MYO1D: variants seen among roughly 807,000 people sequenced by gnomAD.
The protein encoded by MYO1D is unconventional myosin-Id.
In MYO1D, 83 loss-of-function variants were observed where a neutral mutation model predicts 122.0. The ratio of observed to expected loss-of-function variants is 0.68; its 90% CI spans 0.57 to 0.82. The LOEUF is 0.82. MYO1D is among the 40% of genes least tolerant of loss of function. The pLI is 0.00. For missense variants in MYO1D, 1,157 were observed against 1,269.5 expected, an observed-to-expected ratio of 0.91 and a Z score of 1.35; for synonymous variants, 464 against 446.9, an observed-to-expected ratio of 1.04 and a Z score of -0.48.
intron 21 of MYO1D, chr17:32,594,303 T>C (rs1567901795): frequency 2.8e-6 from 1 of 359,470 alleles, no homozygotes; most frequent in East Asian, 4.0e-5. Flanking sequence ...TTGCCCATTA[T>C]AACAGTAAAT....
At chr17:32,814,030 C>T (rs529729819) in intron 1 of MYO1D, among the ~76,000 whole-genome samples, 1 of 152,252 alleles carries the variant, frequency 6.6e-6, no homozygotes, top group South Asian at 2.1e-4. Flanking sequence ...AGTGACCTGC[C>T]AGAGTTCAGG....
chr17:32,614,910 A>C (rs321148), intron 20 of MYO1D, among the ~76,000 whole-genome samples: 36,743 of 152,078 alleles, frequency 0.24, 5,103 homozygotes, highest in South Asian at 0.39. Context: ...GGGGCCAGAC[A>C]AGTGAGTGTA....
chr17:32,755,728 C>T (rs897608359), intron 10 of MYO1D, 66 bp from the exon 11 acceptor site: 5 of 1,428,210 alleles, frequency 3.5e-6, no homozygotes, highest in South Asian at 2.6e-5. Context: ...AACCCTGATG[C>T]TCCCATTTGT....
intron 21 of MYO1D, among the ~76,000 whole-genome samples, chr17:32,523,602 G>A (rs1480457096): frequency 6.6e-6 from 1 of 152,026 alleles, no homozygotes; most frequent in Non-Finnish European, 1.5e-5. Flanking sequence ...TTACAATCGA[G>A]TGCCAGTCCT....
intron 20 of MYO1D, among the ~76,000 whole-genome samples, chr17:32,606,802 C>T (rs560308809): frequency 7.2e-4 from 109 of 152,334 alleles, no homozygotes; most frequent in African/African-American, 2.5e-3. Context: ...AGGATTTCCA[C>T]TGTCACTGCA....
intron 1 of MYO1D, among the ~76,000 whole-genome samples, chr17:32,848,717 C>T (rs1051967677): frequency 6.6e-6 from 1 of 152,136 alleles, no homozygotes; most frequent in African/African-American, 2.4e-5. Flanking sequence ...TGATGACTTC[C>T]AGCTTGAATT....
chr17:32,632,321 G>C (rs776332739), intron 20 of MYO1D: 1 of 151,948 alleles, frequency 6.6e-6, no homozygotes, highest in Non-Finnish European at 1.5e-5. Context: ...TATTTGGCTT[G>C]CAAGGCATTT....
intron 16 of MYO1D, among the ~76,000 whole-genome samples, chr17:32,675,939 A>G (rs2088801900): frequency 6.6e-6 from 1 of 152,134 alleles, no homozygotes. Context: ...TATCAGAAAT[A>G]TTTTCCCATG....
intron 1 of MYO1D, among the ~76,000 whole-genome samples, chr17:32,793,465 G>A (rs2090378629): frequency 6.6e-6 from 1 of 152,160 alleles, no homozygotes; most frequent in Non-Finnish European, 1.5e-5. Flanking sequence ...TTAGGAGTGG[G>A]AGGCTTCAAA....
chr17:32,528,754 A>C (rs1910423110), intron 21 of MYO1D, among the ~76,000 whole-genome samples: 1 of 152,188 alleles, frequency 6.6e-6, no homozygotes, highest in African/African-American at 2.4e-5. Flanking sequence ...CTGGAGGCAC[A>C]GATCAGGGTG....
At chr17:32,727,574 G>C (rs2089591744) in intron 14 of MYO1D, 1 of 152,152 alleles carries the variant, frequency 6.6e-6, no homozygotes, top group East Asian at 1.9e-4. Flanking sequence ...AAGCTGTCAA[G>C]GGGAAGGAAT....
At chr17:32,827,658 T>C (rs2090734914) in intron 1 of MYO1D, among the ~76,000 whole-genome samples, 1 of 152,148 alleles carries the variant, frequency 6.6e-6, no homozygotes, top group Admixed American at 6.5e-5. Flanking sequence ...TCCAATCGAT[T>C]CAACTGACAT....
intron 1 of MYO1D, among the ~76,000 whole-genome samples, chr17:32,791,550 C>A (rs2090351251): frequency 6.6e-6 from 1 of 151,818 alleles, no homozygotes; most frequent in African/African-American, 2.4e-5. Context: ...ATGATAGGGG[C>A]CTGATGTCTC....
At chr17:32,844,362 T>G (rs1277465988) in intron 1 of MYO1D, among the ~76,000 whole-genome samples, 1 of 142,858 alleles carries the variant, frequency 7.0e-6, no homozygotes, top group East Asian at 2.0e-4. Context: ...TGTATATATA[T>G]TATATATAGT....
At chr17:32,549,341 C>G (rs2086990932) in intron 21 of MYO1D, among the ~76,000 whole-genome samples, 2 of 139,312 alleles carry the variant, frequency 1.4e-5, no homozygotes, top group African/African-American at 2.5e-5. Flanking sequence ...AGTGATCCAC[C>G]CAGCTCAGTC....
chr17:32,745,067 T>C, intron 13 of MYO1D, 144 bp downstream of exon 13: 1 of 586,332 alleles, frequency 1.7e-6, no homozygotes, highest in South Asian at 2.0e-5. Context: ...TCAAGTTAGT[T>C]ATATGCTATT....
intron 16 of MYO1D, among the ~76,000 whole-genome samples, chr17:32,693,626 G>A (rs2089133663): frequency 6.6e-6 from 1 of 152,132 alleles, no homozygotes; most frequent in African/African-American, 2.4e-5. Flanking sequence ...TCACACTGAT[G>A]CGCCAAATTG....
At chr17:32,591,638 A>G (rs1043885709) in intron 21 of MYO1D, among the ~76,000 whole-genome samples, 6 of 151,718 alleles carry the variant, frequency 4.0e-5, no homozygotes, top group Non-Finnish European at 5.9e-5. Flanking sequence ...AGCAATTTCA[A>G]AAACACAAAT....
chr17:32,573,975 C>T (rs1400552285), intron 21 of MYO1D, among the ~76,000 whole-genome samples: 1 of 152,202 alleles, frequency 6.6e-6, no homozygotes, highest in Non-Finnish European at 1.5e-5. Context: ...GCCTCAGCCT[C>T]CTGCGTAGCT....
Sources: gnomAD v4.1 joint callset for allele counts (sites outside exome capture counted in the v4.1 genomes callset) on GRCh38, gnomAD v4.1.1 for gene constraint, MANE v1.5 for transcripts, NCBI Gene and HGNC (gene_info 2026-07-23, HGNC 2026-07-21) for gene names.